Variants in RGS12 observed in about 807,000 individuals in gnomAD.
The protein encoded by RGS12 is regulator of G protein signaling 12, also known as regulator of G-protein signaling 12.
Under a neutral mutation model 120.1 loss-of-function variants are expected in RGS12, and 66 were observed. The ratio of observed to expected loss-of-function variants is 0.55; its 90% CI spans 0.45 to 0.67. RGS12 has a LOEUF of 0.67. Among genes scored for constraint, RGS12 ranks in the 30% least tolerant of loss-of-function variants. The pLI, the probability that RGS12 is intolerant of heterozygous loss-of-function variation, is 0.00. For synonymous variants in RGS12, 827 were observed against 804.7 expected (o/e 1.03, Z -0.47); for missense variants, 1,859 against 1,957.7 (o/e 0.95, Z 0.95).
upstream of RGS12, among the ~76,000 whole-genome samples, chr4:3,289,739 T>G (rs1722973130): frequency 1.3e-5 from 2 of 150,804 alleles, no homozygotes; most frequent in South Asian, 4.1e-4. Context: ...GTCATCATGC[T>G]GTACAATAGA....
rs755106299 is a variant in RGS12 at position 3,425,531 on chromosome 4, TGGA to T, written c.3307_3309del (p.Glu1103del). On this transcript the variant is annotated inframe_deletion, in exon 14 of 18. Coordinates refer to ENST00000336727, the MANE Select transcript of RGS12 (RefSeq NM_001394154.1). ...AGTCTGGACGGACAGCGGGTTGTCT[TGGA>T]GGAGAAGGATCCTTCCAGAGGAAAG... 9 of 1,609,262 alleles carry T rather than the reference TGGA, an allele frequency of 5.6e-6. No homozygotes were observed. Among genetic ancestry groups the T allele is most frequent in the Non-Finnish European group, 7.6e-6 (9 of 1,178,896 alleles).
intron 3 of RGS12, among the ~76,000 whole-genome samples, chr4:3,353,060 G>A (rs568565217): frequency 1.3e-5 from 2 of 152,330 alleles, no homozygotes; most frequent in African/African-American, 4.8e-5. Context: ...GAGTGCGTGT[G>A]GTGTGCCAAG....
Position 3,309,373 on chromosome 4 carries a change from C to CGG in RGS12, c.-101-6696_-101-6695insGG, listed in dbSNP as rs1578692064. Among the ~76,000 whole-genome samples the CGG allele has an allele frequency of 4.5e-5, 6 of 132,368 alleles. No individual in the cohort carries two copies. In the East Asian group the frequency reaches 6.5e-4, roughly 14 times the overall value. The allele number at this position is 132,368 out of a possible 152,430, so 86.8% of individuals were successfully genotyped here. ...ATGGCAGGTGTCCGCTGAGGGGAAC[C>CGG]GTGCAGGGGAGGAGCTGGGACCCTG... On this transcript the variant is annotated intron_variant, in intron 1 of 17. Transcript: ENST00000336727.
chr4:3,286,094 C>G, the RGS12 span, among the ~76,000 whole-genome samples: 2 of 152,262 alleles, frequency 1.3e-5, no homozygotes, highest in Non-Finnish European at 2.9e-5. Flanking sequence ...GGCAGTGCCT[C>G]CGTCCAGCCT....
rs77816141 is a variant in RGS12, at chr4:3,303,103, G to A, written c.-102+10004G>A. Among the ~76,000 whole-genome samples, 282 of 152,308 alleles carry A rather than the reference G, an allele frequency of 1.9e-3. 1 individual carries two copies. The highest frequency in any genetic ancestry group is 6.5e-3 in the African/African-American group (271 of 41,572). On this transcript the variant is annotated intron_variant, in intron 1 of 17. Coordinates refer to ENST00000336727, the MANE Select transcript of RGS12 (RefSeq NM_001394154.1). ...GGGCCACGAGGAAGTGGGTCTGACCGAGGGGGATGTTGAGGTTTGGGGAGG... is the reference window on the plus strand; with the variant it reads ...GGGCCACGAGGAAGTGGGTCTGACCAAGGGGGATGTTGAGGTTTGGGGAGG...
At chr4:3,425,393 G>A in intron 13 of RGS12, 71 bp from the exon 14 acceptor site, 1 of 1,343,162 alleles carries the variant, frequency 7.4e-7, no homozygotes, top group Non-Finnish European at 1.1e-6. Flanking sequence ...ATGCAGTCGG[G>A]TGGGATCACA....
intron 4 of RGS12, among the ~76,000 whole-genome samples, chr4:3,386,956 G>A (rs1718919646): frequency 3.3e-5 from 5 of 152,108 alleles, no homozygotes; most frequent in Admixed American, 3.3e-4. Context: ...TCTTTTCATG[G>A]ACTGATTGAA....
In RGS12 at chr4:3,312,272, G is replaced by A. The variant is rs149723312; in HGVS notation, c.-101-3798G>A. 1.2e-3 allele frequency among the ~76,000 whole-genome samples: 177 copies of A among 152,342 alleles called. 1 individual carries two copies. The highest frequency in any genetic ancestry group is 3.8e-3 in the African/African-American group (159 of 41,572). On this transcript the variant is annotated intron_variant, in intron 1 of 17. Transcript: ENST00000336727. ...AAATTAAACTATAAGCTGAACTTAT[G>A]TGATTATTTTGGGAGGCCAAGGTGG...
chr4:3,375,190 G>C (rs1374486799), intron 3 of RGS12, among the ~76,000 whole-genome samples: 1 of 152,152 alleles, frequency 6.6e-6, no homozygotes, highest in Non-Finnish European at 1.5e-5. Flanking sequence ...GACAGTCGCT[G>C]AGTCTTGGTT....
chr4:3,398,962 A>T (rs995283065), intron 4 of RGS12, among the ~76,000 whole-genome samples: 5 of 152,226 alleles, frequency 3.3e-5, no homozygotes, highest in Non-Finnish European at 2.9e-5. Flanking sequence ...AGTGTATTTG[A>T]ATAGAAGTCG....
rs1422803619 is a variant in RGS12, at chr4:3,366,651, G to T, written c.1999-19765G>T. 6.6e-6 allele frequency among the ~76,000 whole-genome samples: 1 copy of T among 152,210 alleles called. No homozygotes were observed. The highest frequency in any genetic ancestry group is 1.5e-5 in the Non-Finnish European group (1 of 68,030). ...GAAACCTTCAGGAGAGAGTGCTTCT[G>T]TTCCCTCCAGGTCGAGCTGTGCGCC... On this transcript the variant is annotated intron_variant, in intron 3 of 17. Transcript: ENST00000336727. This position sits in a 1 kb window ranked among gnomAD's most constrained non-coding sequence, Gnocchi z 4.0.
intron 4 of RGS12, among the ~76,000 whole-genome samples, chr4:3,406,016 C>T (rs765757139): frequency 1.4e-3 from 209 of 151,898 alleles, no homozygotes; most frequent in Non-Finnish European, 4.1e-4. Context: ...TCCCGGCTCC[C>T]CCATAAGCAC....
intron 4 of RGS12, among the ~76,000 whole-genome samples, chr4:3,411,515 C>T (rs535808727): frequency 2.0e-5 from 3 of 152,362 alleles, no homozygotes; most frequent in East Asian, 3.9e-4. Context: ...TAGCTTTCCA[C>T]GGGAGCTTTC....
intron 10 of RGS12, among the ~76,000 whole-genome samples, chr4:3,421,227 G>A (rs1205426526): frequency 6.6e-6 from 1 of 152,194 alleles, no homozygotes; most frequent in African/African-American, 2.4e-5. Context: ...CAGCAGATGA[G>A]GGAGATGAGC....
At chr4:3,412,302 C>A (rs1721820692) in intron 4 of RGS12, among the ~76,000 whole-genome samples, 1 of 152,160 alleles carries the variant, frequency 6.6e-6, no homozygotes, top group African/African-American at 2.4e-5. Flanking sequence ...TTAGCGGGGC[C>A]CACGCTGTGG....
intron 4 of RGS12, among the ~76,000 whole-genome samples, chr4:3,398,539 A>G (rs921232369): frequency 6.6e-6 from 1 of 152,232 alleles, no homozygotes; most frequent in Admixed American, 6.5e-5. Flanking sequence ...AACAAGCAAT[A>G]TTAAGAAAAA....
chr4:3,317,797 C>T lies in RGS12; in HGVS notation c.1627C>T (p.Leu543Phe). ...CCAGCGCTGGCTCCCGGTCCACGTG[C>T]TCCGGGAGTGGCAGTGCGGACACAC... ...FNQRWLPVHV[L>F]REWQCGHTSD... The change falls in exon 2 of 18, where the codon CTC becomes TTC. Residue 543 changes from leucine to phenylalanine, a missense_variant. Leu to Phe is a conservative substitution (Grantham distance 22). Around this residue, in one of 3 missense-constraint regions of RGS12, gnomAD observed 967 missense variants for 994.2 expected, o/e 0.97. Coordinates refer to ENST00000336727, the MANE Select transcript of RGS12 (RefSeq NM_001394154.1). 2 of 1,613,392 alleles carry T rather than the reference C, an allele frequency of 1.2e-6. No individual in the cohort carries two copies. The highest frequency in any genetic ancestry group is 1.7e-6 in the Non-Finnish European group (2 of 1,179,908).
At chr4:3,331,560 T>C (rs1711846828) in intron 2 of RGS12, among the ~76,000 whole-genome samples, 1 of 151,850 alleles carries the variant, frequency 6.6e-6, no homozygotes, top group Non-Finnish European at 1.5e-5. Flanking sequence ...GTTCAGCACA[T>C]AGATTTTACG....
chr4:3,411,682 C>G (rs1721748342), intron 4 of RGS12, among the ~76,000 whole-genome samples: 1 of 152,274 alleles, frequency 6.6e-6, no homozygotes. Flanking sequence ...CCAAGGACCC[C>G]TGCCCCAGAG....
Sources: allele counts gnomAD v4.1 joint callset (sites outside exome capture counted in the v4.1 genomes callset), GRCh38; gene constraint gnomAD v4.1.1; regional missense constraint gnomAD v4.1.1; non-coding constraint Gnocchi (gnomAD v3.1); transcripts MANE v1.5; gene names NCBI Gene and HGNC (gene_info 2026-07-23, HGNC 2026-07-21).